The following ALDH3B1 variants were observed in gnomAD, a reference collection of about 807,000 sequenced individuals.
ALDH3B1 encodes the protein aldehyde dehydrogenase family 3 member B1.
Under a neutral mutation model 46.2 loss-of-function variants are expected in ALDH3B1, and 37 were observed. The observed-to-expected ratio is 0.80, with a 90% CI of 0.62 to 1.05. ALDH3B1 has a LOEUF of 1.05. Among genes scored for constraint, ALDH3B1 ranks in the 50% least tolerant of loss-of-function variants. The pLI is 0.00. For missense variants in ALDH3B1, 603 were observed against 665.5 expected (o/e 0.91, Z 1.03); for synonymous variants, 283 against 281.0 (o/e 1.01, Z -0.07).
Position 68,019,741 on chromosome 11 carries a change from G to A in ALDH3B1, c.507G>A (p.Gly169=). 6.2e-7 allele frequency: 1 copy of A among 1,614,146 alleles called. No homozygotes were observed. The highest frequency in any genetic ancestry group is 8.5e-7 in the Non-Finnish European group (1 of 1,179,972). Residue 169 remains glycine (G), a synonymous_variant, in exon 6 of 10, where the codon GGG becomes GGA. Transcript: ENST00000342456. ...GCTGCTTTGCTGTGGTGCTGGGCGGGCCCCAGGAGACGGGGCAGCTGCTAG... is the reference window on the plus strand; with the variant it reads ...GCTGCTTTGCTGTGGTGCTGGGCGGACCCCAGGAGACGGGGCAGCTGCTAG... ...DQSCFAVVLG[G]PQETGQLLEH... is the part of the protein sequence containing the mutation.
intron 6 of ALDH3B1, among the ~76,000 whole-genome samples, chr11:68,020,161 C>G (rs1348134736): frequency 6.6e-6 from 1 of 152,122 alleles, no homozygotes; most frequent in Admixed American, 6.5e-5. Context: ...GGTCACCCTG[C>G]TGGCCAGGAT....
In ALDH3B1 at chr11:68,019,795, A is replaced by G; in HGVS notation, c.561A>G (p.Thr187=). ...LEHRFDYIFF[T]GSPRVGKIVM... ...ACAGGTTCGACTACATCTTCTTCAC[A>G]GGTGAGGCCGGGACGAGGGTCGGGA... is the stretch of plus-strand genomic sequence containing the variant. Residue 187 remains threonine (T), a splice_region_variant and synonymous_variant, in exon 6 of 10, where the codon ACA becomes ACG. Coordinates refer to ENST00000342456, the MANE Select transcript of ALDH3B1 (RefSeq NM_000694.4). 1 of 1,613,876 alleles carries G rather than the reference A, an allele frequency of 6.2e-7. No homozygotes were observed. Among genetic ancestry groups the G allele is most frequent in the Non-Finnish European group, 8.5e-7 (1 of 1,179,848 alleles).
At chr11:68,016,287 C>G (rs950198530) in intron 2 of ALDH3B1, 3 of 152,372 alleles carry the variant, frequency 2.0e-5, no homozygotes, top group African/African-American at 7.2e-5. Context: ...GGGCACAGCA[C>G]GTGCAAAGGC....
intron 1 of ALDH3B1, among the ~76,000 whole-genome samples, chr11:68,013,243 G>A (rs985151413): frequency 1.3e-5 from 2 of 152,200 alleles, no homozygotes; most frequent in Admixed American, 1.3e-4. Context: ...GCAATGCCAG[G>A]GCTGGTTGCC....
Position 68,015,345 on chromosome 11 carries a change from C to A in ALDH3B1, c.48C>A (p.His16Gln). The A allele has an allele frequency of 6.5e-7, 1 of 1,535,240 alleles. No homozygotes were observed. The highest frequency in any genetic ancestry group is 1.2e-5 in the South Asian group (1 of 82,192). Residue 16 changes from histidine (H) to glutamine (Q), a missense_variant, in exon 2 of 10, where the codon CAC (histidine) becomes CAA (glutamine). Physicochemically the swap from His to Gln is conservative, Grantham distance 24 (BLOSUM62 0). Transcript: ENST00000342456. Reference protein sequence around the residue: ...DTLRRLREAFHAGRTRPAEFR... With the variant: ...DTLRRLREAFQAGRTRPAEFR... ...TGCGGCGACTGCGGGAGGCCTTCCA[C>A]GCGGGGCGCACGCGGCCAGCTGAGT...
In ALDH3B1 at chr11:68,022,592, C is replaced by T; in HGVS notation, c.950-3C>T. 6.2e-7 allele frequency: 1 copy of T among 1,613,266 alleles called. No individual in the cohort carries two copies. Among genetic ancestry groups the T allele is most frequent in the Non-Finnish European group, 8.5e-7 (1 of 1,179,882 alleles). On this transcript the variant is annotated splice_polypyrimidine_tract_variant and splice_region_variant and intron_variant, in intron 7 of 9. Coordinates refer to ENST00000342456, the MANE Select transcript of ALDH3B1 (RefSeq NM_000694.4). ...AGGGCTGAGCTGTCTCTGGTGCCTG[C>T]AGCCCCCACGGTGCTGGTGGATGTG...
chr11:68,026,513 C>T (rs1226027813), intron 9 of ALDH3B1, among the ~76,000 whole-genome samples: 2 of 152,248 alleles, frequency 1.3e-5, no homozygotes, highest in African/African-American at 2.4e-5. Context: ...CCTCTAACCC[C>T]ATCCCCCCTC....
upstream of ALDH3B1, among the ~76,000 whole-genome samples, chr11:68,009,015 A>G (rs1303843076): frequency 3.3e-5 from 5 of 152,172 alleles, no homozygotes; most frequent in African/African-American, 1.2e-4. Context: ...TCGGGACTAC[A>G]GGAACCACCA....
chr11:68,022,893 C>T lies in ALDH3B1; in HGVS notation c.1116+132C>T, dbSNP rs1042994901. ...GTGGACCTCTTGGCTCTGTCTCTGC[C>T]CACTCTCCTGGAAGCAGCTGAGCCT... On this transcript the variant is annotated intron_variant, in intron 8 of 9. Coordinates refer to ENST00000342456, the MANE Select transcript of ALDH3B1 (RefSeq NM_000694.4). 29 of 1,341,610 alleles carry T rather than the reference C, an allele frequency of 2.2e-5. No homozygotes were observed. In the Admixed American group the frequency reaches 6.2e-4, roughly 29 times the overall value. 83.1% of individuals were successfully genotyped at this position (1,341,610 alleles called of 1,614,324 possible). A position where few individuals can be genotyped will look rare whatever the true frequency, so the allele number is the denominator to read the frequency against.
In ALDH3B1 at chr11:68,027,789, C is replaced by T. The variant is rs1468385526; in HGVS notation, c.1257C>T (p.Phe419=). 5 of 1,560,300 alleles carry T rather than the reference C, an allele frequency of 3.2e-6. No homozygotes were observed. Among genetic ancestry groups the T allele is most frequent in the Admixed American group, 2.0e-5 (1 of 51,166 alleles). ...GCCGGTACCATGGCAAGTTCTCCTT[C>T]GACACCTTCTCCCACCATCGCGCCT... The part of the protein sequence containing the change: ...GMGRYHGKFS[F]DTFSHHRACL... The change falls in exon 10 of 10, where the codon TTC becomes TTT. Residue 419 remains phenylalanine (F), a synonymous_variant. Coordinates refer to ENST00000342456, the MANE Select transcript of ALDH3B1 (RefSeq NM_000694.4).
intron 2 of ALDH3B1, 155 bp downstream of exon 2, chr11:68,015,614 A>G (rs1304337550): frequency 1.0e-6 from 1 of 956,334 alleles, no homozygotes; most frequent in East Asian, 2.6e-5. Flanking sequence ...ACATTCATCC[A>G]GTCACTTATT....
At chr11:68,022,340 T>C (rs1224293510) in intron 7 of ALDH3B1, among the ~76,000 whole-genome samples, 2 of 152,208 alleles carry the variant, frequency 1.3e-5, no homozygotes, top group Non-Finnish European at 2.9e-5. Context: ...CCATCACCCC[T>C]GACTGTGAGA....
intron 2 of ALDH3B1, chr11:68,018,274 T>G (rs544903668): frequency 2.3e-5 from 12 of 523,658 alleles, no homozygotes; most frequent in African/African-American, 2.1e-4. Context: ...CACGTCCTAA[T>G]GGAGCCGTCA....
At chr11:68,023,303 CTTTTT>C (rs34494820) in intron 8 of ALDH3B1, among the ~76,000 whole-genome samples, 2 of 119,006 alleles carry the variant, frequency 1.7e-5, no homozygotes, top group Non-Finnish European at 3.4e-5. Flanking sequence ...TCCACTTGAA[CTTTTT>C]TTTTTTTTTT....
chr11:68,021,901 C>T, intron 7 of ALDH3B1, 30 bp downstream of exon 7: 4 of 1,563,544 alleles, frequency 2.6e-6, no homozygotes, highest in Non-Finnish European at 3.5e-6. Flanking sequence ...CCACAGCCCA[C>T]CTGGGCCAAG....
chr11:68,015,094 A>G (rs543260832), intron 1 of ALDH3B1: 197 of 526,414 alleles, frequency 3.7e-4, no homozygotes, highest in African/African-American at 3.6e-3. Context: ...GGGAGTGCTC[A>G]CTGTTGGGTG....
At chr11:68,010,944 G>A (rs540872941) in intron 1 of ALDH3B1, among the ~76,000 whole-genome samples, 28 of 152,310 alleles carry the variant, frequency 1.8e-4, no homozygotes, top group African/African-American at 4.8e-4. Flanking sequence ...TTCTCATCCC[G>A]GGAACTGTGC....
chr11:68,014,668 C>A (rs986925762), intron 1 of ALDH3B1, among the ~76,000 whole-genome samples: 1 of 152,142 alleles, frequency 6.6e-6, no homozygotes, highest in Non-Finnish European at 1.5e-5. Context: ...GTGTTCTCCC[C>A]CTCTTCCTGA....
chr11:68,019,819 G>T, intron 6 of ALDH3B1, 23 bp downstream of exon 6: 1 of 1,612,782 alleles, frequency 6.2e-7, no homozygotes, highest in South Asian at 1.1e-5. Flanking sequence ...CGAGGGTCGG[G>T]ACAGGCTGGG....
Sources: gnomAD v4.1 joint callset for allele counts (sites outside exome capture counted in the v4.1 genomes callset) on GRCh38, gnomAD v4.1.1 for gene constraint, MANE v1.5 for transcripts, NCBI Gene and HGNC (gene_info 2026-07-23, HGNC 2026-07-21) for gene names.